Variants in THY1 observed in about 807,000 individuals in gnomAD.
THY1 encodes the protein thy-1 membrane glycoprotein.
In THY1, 10 loss-of-function variants were observed where a neutral mutation model predicts 14.9. That is an observed-to-expected ratio of 0.67 (90% CI 0.41 to 1.14). THY1 has a LOEUF of 1.14. Ranked by LOEUF, THY1 falls within the 50% of genes most tolerant of loss-of-function variation. THY1 has a pLI of 0.00. For missense variants in THY1, 159 were observed against 202.1 expected, an observed-to-expected ratio of 0.79 and a Z score of 1.29; for synonymous variants, 80 against 90.0, an observed-to-expected ratio of 0.89 and a Z score of 0.63.
At position 119,416,499 on chromosome 11, in the gene THY1, G is replaced by C. The variant is rs368928508; in HGVS notation, c.*2909C>G. Among the ~76,000 whole-genome samples the C allele has an allele frequency of 3.9e-5, 6 of 152,148 alleles. No individual in the cohort carries two copies. The East Asian group carries it at 1.2e-3, about 29-fold the overall frequency. ...TTTTATTTTTTATTTTTTTGAGATGGAGTCTCACTCTATCTCCCAGGCTGG... is the reference window on the plus strand; with the variant it reads ...TTTTATTTTTTATTTTTTTGAGATGCAGTCTCACTCTATCTCCCAGGCTGG... On this transcript the variant is annotated 3_prime_UTR_variant, in exon 4 of 4. Transcript: ENST00000284240.
chr11:119,421,211 TCTC>T (rs1861893296), intron 1 of THY1: 2 of 338,108 alleles, frequency 5.9e-6, no homozygotes, highest in Non-Finnish European at 1.1e-5. Context: ...TACCACTCTT[TCTC>T]CTCTTCTTAC....
At chr11:119,419,964 T>A in intron 3 of THY1, 87 bp downstream of exon 3, 1 of 1,377,978 alleles carries the variant, frequency 7.3e-7, no homozygotes, top group South Asian at 1.4e-5. Flanking sequence ...GGGGCTATTC[T>A]CCTCTCTAGT....
intron 2 of THY1, 77 bp downstream of exon 2, chr11:119,420,792 T>C: frequency 6.4e-7 from 1 of 1,563,366 alleles, no homozygotes; most frequent in South Asian, 1.1e-5. Context: ...TTTCTGAGAC[T>C]GTGAGGGAGA....
intron 3 of THY1, 63 bp from the exon 4 acceptor site, chr11:119,419,583 G>T: frequency 7.3e-7 from 1 of 1,368,808 alleles, no homozygotes; most frequent in Non-Finnish European, 1.0e-6. Flanking sequence ...ACTCAGGCAG[G>T]CACAGGCCCA....
At chr11:119,419,820 A>G (rs1591358871) in intron 3 of THY1, 1 of 618,588 alleles carries the variant, frequency 1.6e-6, no homozygotes, top group Admixed American at 3.0e-5. Flanking sequence ...TAGGGAGGCC[A>G]AAGGCCTTGC....
At chr11:119,424,418 C>T (rs1174394122), upstream of THY1, among the ~76,000 whole-genome samples, 3 of 152,178 alleles carry the variant, frequency 2.0e-5, no homozygotes, top group Non-Finnish European at 4.4e-5. Context: ...GCCTGTTCTC[C>T]TATTTCTTCA....
chr11:119,421,793 G>A (rs980705758), intron 1 of THY1: 2 of 152,232 alleles, frequency 1.3e-5, no homozygotes, highest in Admixed American at 6.5e-5. Flanking sequence ...CAAGCTAATC[G>A]TGTTCCTGGA....
In THY1 at chr11:119,419,262, G is replaced by A. The variant is rs1565325982; in HGVS notation, c.*146C>T. 2.7e-6 allele frequency: 2 copies of A among 741,022 alleles called. No individual in the cohort carries two copies. The highest frequency in any genetic ancestry group is 4.9e-6 in the Non-Finnish European group (2 of 409,222). The allele number at this position is 741,022 out of a possible 1,614,324, so 45.9% of individuals were successfully genotyped here. On this transcript the variant is annotated 3_prime_UTR_variant, in exon 4 of 4. Coordinates refer to ENST00000284240, the MANE Select transcript of THY1 (RefSeq NM_006288.5). ...CGTGGACGTGGGTAGATAATCGCATGCAGCACTGGAACTCCTGATGAGGGG... is the reference window on the plus strand; with the variant it reads ...CGTGGACGTGGGTAGATAATCGCATACAGCACTGGAACTCCTGATGAGGGG...
In THY1 at chr11:119,419,501, C is replaced by G; in HGVS notation, c.393G>C (p.Glu131Asp). 6.2e-7 allele frequency: 1 copy of G among 1,613,256 alleles called. No homozygotes were observed. Among genetic ancestry groups the G allele is most frequent in the Admixed American group, 1.7e-5 (1 of 60,028 alleles). Residue 131 changes from glutamate to aspartate, a missense_variant, in exon 4 of 4, where the codon GAG becomes GAC. Glu to Asp is a conservative substitution (Grantham distance 45). Transcript: ENST00000284240. ...TGTTCTGAGCCAGCAGGCTGATGCC[C>G]TCACACTTGACCAGTTTGTCTGCAG... Reference protein sequence around the residue: ...TVLRDKLVKCEGISLLAQNTS... With the variant: ...TVLRDKLVKCDGISLLAQNTS...
At chr11:119,420,485 C>G in intron 2 of THY1, 99 bp from the exon 3 acceptor site, 1 of 1,207,810 alleles carries the variant, frequency 8.3e-7, no homozygotes, top group Non-Finnish European at 1.1e-6. Context: ...GGGAGGGGAC[C>G]GGGGTCTGCT....
At chr11:119,423,712 G>A (rs140944676), upstream of THY1, 464 of 164,206 alleles carry the variant, frequency 2.8e-3, 3 homozygotes, top group African/African-American at 0.011. Flanking sequence ...AGCGAGGCAG[G>A]TGCTGGACCC....
Position 119,416,077 on chromosome 11 carries a change from T to G in THY1, c.*3331A>C, listed in dbSNP as rs980417942. ...TGAAAGTCCCCACATCTCACGGAGA[T>G]CCCCATGCCCTTCCCGAGGAAGCCT... On this transcript the variant is annotated 3_prime_UTR_variant, in exon 4 of 4. Coordinates refer to ENST00000284240, the MANE Select transcript of THY1 (RefSeq NM_006288.5). Among the ~76,000 whole-genome samples the G allele has an allele frequency of 1.3e-5, 2 of 151,962 alleles. No individual in the cohort carries two copies. Among genetic ancestry groups the G allele is most frequent in the African/African-American group, 2.4e-5 (1 of 41,388 alleles).
chr11:119,420,182 G>A lies in THY1; in HGVS notation c.242C>T (p.Thr81Ile), dbSNP rs1426515070. The part of the protein sequence containing the change: ...EHTYRSRTNF[T>I]SKYNMKVLYL... ...GAGGACCTTCATGTTGTATTTGCTG[G>A]TGAAGTTGGTTCGGGAGCGGTATGT... The change falls in exon 3 of 4, where the codon ACC becomes ATC. Residue 81 changes from threonine to isoleucine, a missense_variant. By Grantham distance (89) the Thr-to-Ile change is moderately conservative. Transcript: ENST00000284240. 6.2e-7 allele frequency: 1 copy of A among 1,614,148 alleles called. No individual in the cohort carries two copies. Among genetic ancestry groups the A allele is most frequent in the Non-Finnish European group, 8.5e-7 (1 of 1,180,060 alleles).
rs190489383 is a variant in THY1 at position 119,421,332 on chromosome 11, A to G, written c.-24-403T>C. ...AAAAAGCATAATAATTACTATTTTA[A>G]CCATTTAAATTCAGTACTTAAATTC... On this transcript the variant is annotated intron_variant, in intron 1 of 3. Coordinates refer to ENST00000284240, the MANE Select transcript of THY1 (RefSeq NM_006288.5). 472 of 159,240 alleles carry G rather than the reference A, an allele frequency of 3.0e-3. 3 individuals are homozygous for G. Among genetic ancestry groups the G allele is most frequent in the African/African-American group, 0.011 (455 of 41,846 alleles). 9.9% of individuals were successfully genotyped at this position (159,240 alleles called of 1,614,324 possible).
Position 119,423,141 on chromosome 11 carries a change from C to G in THY1, c.-53G>C, listed in dbSNP as rs775117355. ...GACTGGGGTCTTCCGCTGCTGCAGC[C>G]TCCTCCAGACGCGCCGCCGCCTCCG... On this transcript the variant is annotated 5_prime_UTR_variant, in exon 1 of 4. Coordinates refer to ENST00000284240, the MANE Select transcript of THY1 (RefSeq NM_006288.5). 2 of 456,076 alleles carry G rather than the reference C, an allele frequency of 4.4e-6. No individual in the cohort carries two copies. The highest frequency in any genetic ancestry group is 3.1e-5 in the South Asian group (2 of 64,556). 28.3% of individuals were successfully genotyped at this position (456,076 alleles called of 1,614,324 possible).
Position 119,419,323 on chromosome 11 carries a change from G to GC in THY1, c.*84_*85insG, listed in dbSNP as rs776069304. 8.1e-7 allele frequency: 1 copy of GC among 1,228,698 alleles called. No individual in the cohort carries two copies. The highest frequency in any genetic ancestry group is 1.3e-5 in the South Asian group (1 of 77,780). The allele number at this position is 1,228,698 out of a possible 1,614,324, so 76.1% of individuals were successfully genotyped here. A position where few individuals can be genotyped will look rare whatever the true frequency, so the allele number is the denominator to read the frequency against. On this transcript the variant is annotated 3_prime_UTR_variant, in exon 4 of 4. Transcript: ENST00000284240. The stretch of plus-strand genomic sequence containing the variant: ...ACTTCTCCTCAAGGTTTGAGGGATT[G>GC]GGGGGAGGGGGTCAGCTGACTCAGA...
intron 3 of THY1, 102 bp downstream of exon 3, chr11:119,419,949 G>A (rs898187882): frequency 1.6e-5 from 20 of 1,261,360 alleles, no homozygotes; most frequent in Middle Eastern, 2.3e-4. Context: ...GGGTGAGAGC[G>A]TTATGGGGCT....
intron 1 of THY1, 47 bp from the exon 2 acceptor site, chr11:119,420,976 C>A: frequency 6.3e-7 from 1 of 1,599,616 alleles, no homozygotes; most frequent in South Asian, 1.1e-5. Context: ...GCCACACTTA[C>A]CACCAGGGCT....
At chr11:119,419,905 T>C in intron 3 of THY1, 146 bp downstream of exon 3, 1 of 897,200 alleles carries the variant, frequency 1.1e-6, no homozygotes, top group Non-Finnish European at 1.7e-6. Flanking sequence ...CCGAAGGCAA[T>C]GGTTCCCCAG....
Sources: gnomAD v4.1 joint callset for allele counts (sites outside exome capture counted in the v4.1 genomes callset) on GRCh38, gnomAD v4.1.1 for gene constraint, MANE v1.5 for transcripts, NCBI Gene and HGNC (gene_info 2026-07-23, HGNC 2026-07-21) for gene names.